The following TOX variants were observed in gnomAD, a reference collection of about 807,000 sequenced individuals.
The protein encoded by TOX is thymocyte selection associated high mobility group box.
TOX carries 11 observed loss-of-function variants against 53.7 expected under a neutral mutation model. The ratio of observed to expected loss-of-function variants is 0.20; its 90% CI spans 0.13 to 0.34. The LOEUF (loss-of-function observed/expected upper bound fraction) is 0.34. TOX is among the 10% of genes least tolerant of loss of function. The pLI is 1.00. For missense variants in TOX, 570 were observed against 664.6 expected (o/e 0.86, Z 1.56); for synonymous variants, 225 against 245.3 (o/e 0.92, Z 0.77).
chr8:58,948,708 C>G (rs1812565923), intron 2 of TOX, among the ~76,000 whole-genome samples: 1 of 135,370 alleles, frequency 7.4e-6, no homozygotes, highest in African/African-American at 2.6e-5. Flanking sequence ...ATAATGCAAT[C>G]TATTTTTTTT....
At chr8:58,970,510 A>C (rs1043786935) in intron 1 of TOX, among the ~76,000 whole-genome samples, 1 of 152,196 alleles carries the variant, frequency 6.6e-6, no homozygotes, top group Non-Finnish European at 1.5e-5. Flanking sequence ...AGAAACTTGA[A>C]GTCTCCCAGC....
intron 1 of TOX, among the ~76,000 whole-genome samples, chr8:59,025,251 A>G (rs1346168874): frequency 2.6e-5 from 4 of 152,132 alleles, no homozygotes; most frequent in Non-Finnish European, 5.9e-5. Flanking sequence ...CTATTTCTCG[A>G]GTGGGACTTC....
At chr8:58,984,051 T>G (rs532580450) in intron 1 of TOX, among the ~76,000 whole-genome samples, 21 of 152,330 alleles carry the variant, frequency 1.4e-4, no homozygotes, top group Admixed American at 3.3e-4. Context: ...CCATATTTTT[T>G]AAACAAATGT....
intron 2 of TOX, among the ~76,000 whole-genome samples, chr8:58,946,122 T>C (rs894456329): frequency 1.3e-5 from 2 of 152,190 alleles, no homozygotes; most frequent in African/African-American, 4.8e-5. Context: ...ATATACATAA[T>C]GCACTAATTT....
chr8:58,830,901 T>C (rs1810442953), intron 5 of TOX, among the ~76,000 whole-genome samples: 1 of 152,168 alleles, frequency 6.6e-6, no homozygotes, highest in Non-Finnish European at 1.5e-5. Flanking sequence ...CCCTGCAATA[T>C]TTTTTAGAAA....
chr8:58,873,969 T>TTTTTTTTTTTTTTTC, intron 3 of TOX, among the ~76,000 whole-genome samples: 1 of 131,608 alleles, frequency 7.6e-6, no homozygotes, highest in Non-Finnish European at 1.6e-5. Flanking sequence ...TTTTTTTTTT[T>TTTTTTTTTTTTTTTC]TTTTTTTTTT....
Position 58,819,094 on chromosome 8 carries a change from GC to G in TOX, c.1006-3371del, listed in dbSNP as rs370822471. Among the ~76,000 whole-genome samples, 86 of 152,276 alleles carry G rather than the reference GC, an allele frequency of 5.6e-4. 3 individuals are homozygous for G. In the East Asian group the frequency reaches 0.014, roughly 25 times the overall value. Reference sequence around the variant, plus strand: ...ATAAGTTCATTTTCAGTGGCAAACTGCCATAAATTCATAATGTGATTAAATG... The same window carrying G: ...ATAAGTTCATTTTCAGTGGCAAACTGCATAAATTCATAATGTGATTAAATG... On this transcript the variant is annotated intron_variant, in intron 6 of 8. Transcript: ENST00000361421.
intron 3 of TOX, among the ~76,000 whole-genome samples, chr8:58,884,564 T>C (rs1323847641): frequency 1.3e-5 from 2 of 152,138 alleles, no homozygotes; most frequent in Non-Finnish European, 2.9e-5. Context: ...ATAAGAAGGC[T>C]CTTTCTGGTG....
chr8:58,878,758 C>A (rs956602278), intron 3 of TOX, among the ~76,000 whole-genome samples: 1 of 151,960 alleles, frequency 6.6e-6, no homozygotes, highest in Non-Finnish European at 1.5e-5. Context: ...CAGATCATCA[C>A]GTAAGAATTG....
chr8:58,962,664 A>G (rs976522630), intron 1 of TOX, among the ~76,000 whole-genome samples: 1 of 152,182 alleles, frequency 6.6e-6, no homozygotes, highest in South Asian at 2.1e-4. Flanking sequence ...CACTTAGCCC[A>G]ATGTGGTGGC....
At chr8:58,818,054 T>A (rs1016362750) in intron 6 of TOX, among the ~76,000 whole-genome samples, 1 of 152,206 alleles carries the variant, frequency 6.6e-6, no homozygotes, top group Non-Finnish European at 1.5e-5. Context: ...GGAATAGATG[T>A]ACAGATTTAC....
chr8:58,893,455 T>C (rs1811592277), intron 3 of TOX, among the ~76,000 whole-genome samples: 3 of 152,230 alleles, frequency 2.0e-5, no homozygotes, highest in Admixed American at 2.0e-4. Context: ...CTAGTGATAG[T>C]GTTTTCAAAG....
intron 3 of TOX, among the ~76,000 whole-genome samples, chr8:58,899,384 T>C (rs1811698372): frequency 6.6e-6 from 1 of 152,234 alleles, no homozygotes; most frequent in Non-Finnish European, 1.5e-5. Flanking sequence ...TTTTAAAAGA[T>C]ATAAATTCTC....
At chr8:59,002,266 G>A (rs1813703310) in intron 1 of TOX, among the ~76,000 whole-genome samples, 3 of 147,568 alleles carry the variant, frequency 2.0e-5, no homozygotes, top group African/African-American at 5.0e-5. Flanking sequence ...GAGCCACCAC[G>A]GCTGGCAGGA....
intron 6 of TOX, among the ~76,000 whole-genome samples, chr8:58,817,009 C>A (rs1810191371): frequency 6.6e-6 from 1 of 152,236 alleles, no homozygotes; most frequent in South Asian, 2.1e-4. Flanking sequence ...TCTGCTGACT[C>A]CTGGGGTGAC....
At chr8:59,026,924 C>T (rs1333519000) in intron 1 of TOX, among the ~76,000 whole-genome samples, 11 of 148,610 alleles carry the variant, frequency 7.4e-5, no homozygotes, top group Admixed American at 2.0e-4. Context: ...AAAACCAAAC[C>T]AGTGTCCCTG....
At chr8:59,097,449 T>C (rs1027015227) in intron 1 of TOX, among the ~76,000 whole-genome samples, 4 of 152,224 alleles carry the variant, frequency 2.6e-5, no homozygotes, top group African/African-American at 7.2e-5. Flanking sequence ...TATCATTTAA[T>C]CCTCATTATA....
chr8:58,962,209 C>T (rs1812811924), intron 1 of TOX, among the ~76,000 whole-genome samples: 1 of 152,202 alleles, frequency 6.6e-6, no homozygotes, highest in Non-Finnish European at 1.5e-5. Context: ...AGTGTTACTG[C>T]TCTTGATGAA....
intron 3 of TOX, among the ~76,000 whole-genome samples, chr8:58,854,392 G>T (rs1173887399): frequency 1.3e-5 from 2 of 152,036 alleles, no homozygotes; most frequent in African/African-American, 4.8e-5. Context: ...TGTTCCAAAA[G>T]CTTGAAGCAA....
Sources: gnomAD v4.1 joint callset for allele counts (sites outside exome capture counted in the v4.1 genomes callset) on GRCh38, gnomAD v4.1.1 for gene constraint, MANE v1.5 for transcripts, NCBI Gene and HGNC (gene_info 2026-07-23, HGNC 2026-07-21) for gene names.